R3HCC1L: variants seen among roughly 807,000 people sequenced by gnomAD.
R3HCC1L encodes coiled-coil domain-containing protein R3HCC1L.
R3HCC1L carries 51 observed loss-of-function variants against 59.9 expected under a neutral mutation model. The observed-to-expected ratio is 0.85, with a 90% CI of 0.68 to 1.07. The LOEUF is 1.07. Among genes scored for constraint, R3HCC1L ranks in the 50% least tolerant of loss-of-function variants. The pLI, the probability that R3HCC1L is intolerant of heterozygous loss-of-function variation, is 0.00. For missense variants in R3HCC1L, 965 were observed against 933.0 expected, an observed-to-expected ratio of 1.03 and a Z score of -0.45; for synonymous variants, 322 against 315.2, an observed-to-expected ratio of 1.02 and a Z score of -0.23.
At chr10:98,163,425 T>C in intron 4 of R3HCC1L, 28 bp downstream of exon 4, 1 of 1,226,686 alleles carries the variant, frequency 8.2e-7, no homozygotes, top group Non-Finnish European at 1.1e-6. Context: ...ATGCATATTT[T>C]ATAGAAATAC....
At chr10:98,176,577 AACTT>A (rs1443814513) in intron 4 of R3HCC1L, among the ~76,000 whole-genome samples, 1 of 152,078 alleles carries the variant, frequency 6.6e-6, no homozygotes, top group African/African-American at 2.4e-5. Flanking sequence ...AACCTTGCTA[AACTT>A]ACTTAGTTCT....
At chr10:98,139,024 CT>C (rs759765905) in intron 1 of R3HCC1L, among the ~76,000 whole-genome samples, 4 of 152,066 alleles carry the variant, frequency 2.6e-5, no homozygotes, top group Non-Finnish European at 5.9e-5. Context: ...ATTCATTCCC[CT>C]AATGCTTCAA....
intron 5 of R3HCC1L, chr10:98,211,454 G>T (rs1332148557): frequency 3.8e-6 from 5 of 1,332,576 alleles, no homozygotes; most frequent in Non-Finnish European, 4.9e-6. Flanking sequence ...TCCAAATCAG[G>T]TTAAGAAATA....
rs142357021 is a variant in R3HCC1L, at chr10:98,147,592, T to C, written c.-267-8501T>C. Among the ~76,000 whole-genome samples, 37 of 152,302 alleles carry C rather than the reference T, an allele frequency of 2.4e-4. 1 individual carries two copies. The East Asian group carries it at 6.7e-3, about 28-fold the overall frequency. On this transcript the variant is annotated intron_variant, in intron 1 of 9. Coordinates refer to ENST00000298999, the MANE Select transcript of R3HCC1L (RefSeq NM_001351015.2). Reference sequence around the variant, plus strand: ...ATTTTGATTTGATTTTTGTGTACAGTGAAACATAGGTCCTAGTTTCATCAT... The same window carrying C: ...ATTTTGATTTGATTTTTGTGTACAGCGAAACATAGGTCCTAGTTTCATCAT...
chr10:98,208,520 T>G lies in R3HCC1L; in HGVS notation c.406T>G (p.Leu136Val). Residue 136 changes from leucine to valine, a missense_variant, in exon 5 of 10, where the codon TTG becomes GTG. Coordinates refer to ENST00000298999, the MANE Select transcript of R3HCC1L (RefSeq NM_001351015.2). ...PNAGVITNAP[L>V]QRHFKPKKVE... ...TGCTGGGGTTATAACTAATGCACCT[T>G]TGCAGAGACATTTTAAACCAAAGAA... 1 of 1,614,160 alleles carries G rather than the reference T, an allele frequency of 6.2e-7. No individual in the cohort carries two copies. The highest frequency in any genetic ancestry group is 8.5e-7 in the Non-Finnish European group (1 of 1,180,020).
intron 1 of R3HCC1L, among the ~76,000 whole-genome samples, chr10:98,140,237 A>G (rs1845011474): frequency 6.6e-6 from 1 of 152,230 alleles, no homozygotes; most frequent in African/African-American, 2.4e-5. Context: ...CTCAAATTGT[A>G]TGCCAGTCGT....
chr10:98,207,885 G>T (rs551216131), intron 4 of R3HCC1L, among the ~76,000 whole-genome samples: 51 of 152,132 alleles, frequency 3.4e-4, no homozygotes, highest in African/African-American at 1.2e-3. Context: ...ACAAAGCCAG[G>T]CATGGTGGCA....
intron 1 of R3HCC1L, among the ~76,000 whole-genome samples, chr10:98,145,135 C>T (rs1274037492): frequency 6.6e-6 from 1 of 152,192 alleles, no homozygotes; most frequent in East Asian, 1.9e-4. Flanking sequence ...GACAGGACTT[C>T]TGTTGAGAGT....
In R3HCC1L at chr10:98,209,892, T is replaced by C. The variant is rs770818874; in HGVS notation, c.1778T>C (p.Leu593Pro). 7 of 1,607,198 alleles carry C rather than the reference T, an allele frequency of 4.4e-6. No individual in the cohort carries two copies. Among genetic ancestry groups the C allele is most frequent in the South Asian group, 2.2e-5 (2 of 90,516 alleles). The change falls in exon 5 of 10, where the codon CTA (leucine) becomes CCA (proline). Residue 593 changes from leucine (L) to proline (P), a missense_variant. Physicochemically the swap from Leu to Pro is moderately conservative, Grantham distance 98 (BLOSUM62 -3). Coordinates refer to ENST00000298999, the MANE Select transcript of R3HCC1L (RefSeq NM_001351015.2). ...DDGDCLDPRL[L>P]QELSGNTKSR... ...GGTGACTGCCTGGATCCACGTCTTCTACAAGAGGTATGTTTAATTGAAATT... is the reference window on the plus strand; with the variant it reads ...GGTGACTGCCTGGATCCACGTCTTCCACAAGAGGTATGTTTAATTGAAATT...
intron 4 of R3HCC1L, among the ~76,000 whole-genome samples, chr10:98,202,044 G>A (rs1852109685): frequency 6.6e-6 from 1 of 152,048 alleles, no homozygotes; most frequent in South Asian, 2.1e-4. Context: ...CGGATTACAG[G>A]CGCATGCCTC....
chr10:98,149,970 C>T (rs1400332008), intron 1 of R3HCC1L, among the ~76,000 whole-genome samples: 1 of 152,130 alleles, frequency 6.6e-6, no homozygotes, highest in Non-Finnish European at 1.5e-5. Context: ...GATCTATTAA[C>T]ATTTGCTTTT....
chr10:98,203,434 A>G (rs1490832445), intron 4 of R3HCC1L, among the ~76,000 whole-genome samples: 4 of 152,230 alleles, frequency 2.6e-5, no homozygotes, highest in Non-Finnish European at 4.4e-5. Context: ...TTAAGACAAT[A>G]TATATAGTTT....
rs540262561 is a variant in R3HCC1L at position 98,152,151 on chromosome 10, C to T, written c.-267-3942C>T. ...TATTTTTTTGGTGGAGACGGGGTTT[C>T]GCTGTGTTGGCCGGGCTGGTCTCCA... On this transcript the variant is annotated intron_variant, in intron 1 of 9. Transcript: ENST00000298999. 1.7e-3 allele frequency among the ~76,000 whole-genome samples: 264 copies of T among 152,352 alleles called. 1 individual carries two copies. The highest frequency in any genetic ancestry group is 2.8e-3 in the Non-Finnish European group (190 of 68,032).
chr10:98,183,441 G>C (rs1849868293), intron 4 of R3HCC1L, among the ~76,000 whole-genome samples: 2 of 150,252 alleles, frequency 1.3e-5, no homozygotes, highest in African/African-American at 2.5e-5. Context: ...TTTTGTTGTT[G>C]TTGTTGTTGT....
intron 4 of R3HCC1L, among the ~76,000 whole-genome samples, chr10:98,178,477 T>C (rs1232788267): frequency 6.6e-6 from 1 of 152,228 alleles, no homozygotes; most frequent in African/African-American, 2.4e-5. Flanking sequence ...CCTTGTAGTA[T>C]AGTTTGAAGT....
At chr10:98,236,319 GAGA>G (rs1322884142) in intron 9 of R3HCC1L, among the ~76,000 whole-genome samples, 155 bp downstream of exon 9, 3 of 152,134 alleles carry the variant, frequency 2.0e-5, no homozygotes, top group African/African-American at 7.2e-5. Flanking sequence ...TTACGTCCAG[GAGA>G]AGATGTTTCA....
rs1178830398 is a variant in R3HCC1L, at chr10:98,209,327, A to T, written c.1213A>T (p.Thr405Ser). ...YVVAVRIADE[T>S]SINTRSFSKF... ...AGTTGCAGTTAGAATAGCTGATGAG[A>T]CCTCTATTAATACACGAAGTTTCTC... The change falls in exon 5 of 10, where the codon ACC (threonine) becomes TCC (serine). Residue 405 changes from threonine to serine, a missense_variant. Transcript: ENST00000298999. The T allele has an allele frequency of 3.7e-6, 6 of 1,613,944 alleles. No homozygotes were observed. The highest frequency in any genetic ancestry group is 5.1e-6 in the Non-Finnish European group (6 of 1,179,948).
intron 2 of R3HCC1L, among the ~76,000 whole-genome samples, chr10:98,158,461 CAG>C (rs1205190102): frequency 2.0e-5 from 3 of 152,180 alleles, no homozygotes; most frequent in East Asian, 3.8e-4. Context: ...GAGAGTGGTA[CAG>C]AGAGTTCACC....
intron 5 of R3HCC1L, among the ~76,000 whole-genome samples, chr10:98,227,092 T>C (rs1855750634): frequency 6.6e-6 from 1 of 152,222 alleles, no homozygotes; most frequent in Non-Finnish European, 1.5e-5. Flanking sequence ...TAATATGGTG[T>C]TTGGCATGTA....
Sources: gnomAD v4.1 joint callset for allele counts (sites outside exome capture counted in the v4.1 genomes callset) on GRCh38, gnomAD v4.1.1 for gene constraint, MANE v1.5 for transcripts, NCBI Gene and HGNC (gene_info 2026-07-23, HGNC 2026-07-21) for gene names.